The following PLCZ1 variants were observed in gnomAD, a reference collection of about 807,000 sequenced individuals.
The protein encoded by PLCZ1 is phospholipase C zeta 1.
In PLCZ1, 64 loss-of-function variants were observed where a neutral mutation model predicts 76.8. The observed-to-expected ratio is 0.83, with a 90% CI of 0.68 to 1.03. PLCZ1 has a LOEUF of 1.03. Among genes scored for constraint, PLCZ1 ranks in the 50% least tolerant of loss-of-function variants. The probability of loss-of-function intolerance (pLI) is 0.00; values close to 1 mark genes in which losing one functional copy is unlikely to be tolerated. For missense variants in PLCZ1, 751 were observed against 713.7 expected (o/e 1.05, Z -0.60); for synonymous variants, 248 against 230.8 (o/e 1.07, Z -0.68).
chr12:18,646,926 A>C, the PLCZ1 span, among the ~76,000 whole-genome samples: 2 of 152,098 alleles, frequency 1.3e-5, no homozygotes, highest in Non-Finnish European at 2.9e-5. Flanking sequence ...AAAAAGTCAC[A>C]AAAAAAGAAC....
At chr12:18,675,822 C>A in the PLCZ1 span, among the ~76,000 whole-genome samples, 6 of 144,882 alleles carry the variant, frequency 4.1e-5, no homozygotes, top group African/African-American at 1.5e-4. Flanking sequence ...ACAATAAGTA[C>A]AAATGAACAG....
chr12:18,696,990 GTTTC>G (rs1188445322), intron 10 of PLCZ1, among the ~76,000 whole-genome samples: 3 of 152,106 alleles, frequency 2.0e-5, no homozygotes, highest in African/African-American at 7.2e-5. Flanking sequence ...TATTCTTTGT[GTTTC>G]TTCTTGTCTA....
Position 18,699,671 on chromosome 12 carries a change from T to C in PLCZ1, c.1174+123A>G, listed in dbSNP as rs948849638. 5 of 1,064,238 alleles carry C rather than the reference T, an allele frequency of 4.7e-6. No individual in the cohort carries two copies. In the African/African-American group the frequency reaches 6.4e-5, roughly 14 times the overall value. 65.9% of individuals were successfully genotyped at this position (1,064,238 alleles called of 1,614,324 possible). ...AGGTATGTAACCCCATTCTAAATTA[T>C]GTTAAATGTGTTGAAATTTTATGAG... On this transcript the variant is annotated intron_variant, in intron 10 of 14. Coordinates refer to ENST00000266505, the MANE Select transcript of PLCZ1 (RefSeq NM_033123.4).
intron 5 of PLCZ1, chr12:18,714,933 G>A (rs1274055682): frequency 3.3e-5 from 5 of 151,786 alleles, no homozygotes; most frequent in Non-Finnish European, 5.9e-5. Context: ...CCAGCACCAA[G>A]TACTTATATA....
the PLCZ1 span, among the ~76,000 whole-genome samples, chr12:18,660,743 G>A: frequency 6.6e-6 from 1 of 151,966 alleles, no homozygotes; most frequent in Non-Finnish European, 1.5e-5. Context: ...CATATATATA[G>A]CTTTCAACAA....
chr12:18,698,942 G>A (rs1203035055), intron 10 of PLCZ1, among the ~76,000 whole-genome samples: 1 of 152,010 alleles, frequency 6.6e-6, no homozygotes, highest in Non-Finnish European at 1.5e-5. Context: ...AAAAAAAACT[G>A]CCATTTTTTG....
chr12:18,667,977 A>AC, the PLCZ1 span, among the ~76,000 whole-genome samples: 1 of 151,768 alleles, frequency 6.6e-6, no homozygotes, highest in Non-Finnish European at 1.5e-5. Flanking sequence ...AACAACAACA[A>AC]AAAAAAAAGG....
chr12:18,694,144 T>C (rs1316048021), intron 12 of PLCZ1: 1 of 805,560 alleles, frequency 1.2e-6, no homozygotes, highest in Non-Finnish European at 2.0e-6. Flanking sequence ...GATTTCTCAG[T>C]CCCTGAAAGG....
At chr12:18,647,253 A>T in the PLCZ1 span, among the ~76,000 whole-genome samples, 1 of 152,078 alleles carries the variant, frequency 6.6e-6, no homozygotes, top group African/African-American at 2.4e-5. Flanking sequence ...GGTCTGTTTC[A>T]TGGCCACAGA....
the PLCZ1 span, among the ~76,000 whole-genome samples, chr12:18,662,754 C>T: frequency 6.6e-6 from 1 of 151,996 alleles, no homozygotes; most frequent in Non-Finnish European, 1.5e-5. Context: ...TCATATGTTA[C>T]TGAAGTTAAG....
chr12:18,698,424 A>T (rs1235342991), intron 10 of PLCZ1, among the ~76,000 whole-genome samples: 1 of 152,134 alleles, frequency 6.6e-6, no homozygotes. Context: ...AAGAGCCTTT[A>T]AAAAATCCAG....
intron 2 of PLCZ1, among the ~76,000 whole-genome samples, chr12:18,737,012 AT>A (rs1959406084): frequency 6.6e-6 from 1 of 152,188 alleles, no homozygotes; most frequent in Non-Finnish European, 1.5e-5. Context: ...GGACACTTCC[AT>A]TTGAAAAACT....
chr12:18,652,345 A>G, the PLCZ1 span, among the ~76,000 whole-genome samples: 1 of 152,144 alleles, frequency 6.6e-6, no homozygotes, highest in Non-Finnish European at 1.5e-5. Context: ...ATAAACATGA[A>G]GGTGAATATT....
At chr12:18,699,232 A>G (rs1277121632) in intron 10 of PLCZ1, among the ~76,000 whole-genome samples, 2 of 152,150 alleles carry the variant, frequency 1.3e-5, no homozygotes, top group African/African-American at 4.8e-5. Flanking sequence ...TTCCTTCACC[A>G]TAGGCATAGA....
chr12:18,708,188 G>A (rs771891251), intron 6 of PLCZ1, among the ~76,000 whole-genome samples: 2 of 152,014 alleles, frequency 1.3e-5, no homozygotes, highest in Non-Finnish European at 2.9e-5. Flanking sequence ...CCCACACCTC[G>A]TTCCTGTCAA....
intron 6 of PLCZ1, among the ~76,000 whole-genome samples, chr12:18,711,085 A>C (rs889069744): frequency 6.6e-6 from 1 of 152,074 alleles, no homozygotes; most frequent in African/African-American, 2.4e-5. Context: ...ATATGCACAT[A>C]TATGTTTATT....
chr12:18,710,823 A>T (rs892266202), intron 6 of PLCZ1, among the ~76,000 whole-genome samples: 4 of 152,176 alleles, frequency 2.6e-5, no homozygotes, highest in Non-Finnish European at 5.9e-5. Context: ...GCAAATCAAA[A>T]CCACAATGAG....
intron 3 of PLCZ1, among the ~76,000 whole-genome samples, chr12:18,725,310 A>T (rs1252380647): frequency 1.3e-5 from 2 of 152,124 alleles, no homozygotes; most frequent in African/African-American, 4.8e-5. Flanking sequence ...AGCAATAAGA[A>T]AGAAGGTGCA....
At chr12:18,682,293 G>A (rs12304033), downstream of PLCZ1, among the ~76,000 whole-genome samples, 57,270 of 151,850 alleles carry the variant, frequency 0.38, 13,468 homozygotes, top group South Asian at 0.59. Flanking sequence ...AAGATATCAC[G>A]TGTTAGTACA....
Sources: gnomAD v4.1 joint callset for allele counts (sites outside exome capture counted in the v4.1 genomes callset) on GRCh38, gnomAD v4.1.1 for gene constraint, MANE v1.5 for transcripts, NCBI Gene and HGNC (gene_info 2026-07-23, HGNC 2026-07-21) for gene names.